The following PKD2L1 variants were observed in gnomAD, a reference collection of about 807,000 sequenced individuals.
The protein encoded by PKD2L1 is polycystin 2 like 1, transient receptor potential cation channel.
A neutral mutation model predicts 93.0 loss-of-function variants in PKD2L1; 77 were observed. The observed-to-expected ratio is 0.83, with a 90% CI of 0.69 to 1.00. The LOEUF (loss-of-function observed/expected upper bound fraction) is 1.00. Among genes scored for constraint, PKD2L1 ranks in the 50% least tolerant of loss-of-function variants. The pLI, the probability that PKD2L1 is intolerant of heterozygous loss-of-function variation, is 0.00. For missense variants in PKD2L1, 977 were observed against 990.9 expected, an observed-to-expected ratio of 0.99 and a Z score of 0.19; for synonymous variants, 390 against 388.0, an observed-to-expected ratio of 1.01 and a Z score of -0.06.
chr10:100,295,437 A>C (rs923522046), intron 7 of PKD2L1, among the ~76,000 whole-genome samples: 4 of 150,188 alleles, frequency 2.7e-5, no homozygotes, highest in Non-Finnish European at 1.5e-5. Context: ...TTAAAAAAAA[A>C]AAAAAAAAAA....
intron 2 of PKD2L1, among the ~76,000 whole-genome samples, chr10:100,309,242 A>G (rs1475331858): frequency 1.3e-5 from 2 of 152,248 alleles, no homozygotes; most frequent in Admixed American, 1.3e-4. Context: ...TTGTATCCAT[A>G]AAATGAAAAT....
chr10:100,310,549 T>C (rs755924369), intron 2 of PKD2L1, among the ~76,000 whole-genome samples: 28 of 152,050 alleles, frequency 1.8e-4, no homozygotes, highest in Non-Finnish European at 3.4e-4. Context: ...TAAAATACCA[T>C]GAAAAATGTA....
chr10:100,317,377 A>G (rs1278548341), intron 2 of PKD2L1, among the ~76,000 whole-genome samples: 2 of 151,712 alleles, frequency 1.3e-5, no homozygotes, highest in African/African-American at 4.8e-5. Flanking sequence ...CTGTCTTTAC[A>G]AAAAAACAAA....
rs777587019 is a variant in PKD2L1, at chr10:100,329,115, C to T, written c.349+96G>A. The T allele has an allele frequency of 2.2e-4, 253 of 1,161,258 alleles. No individual in the cohort carries two copies. The Middle Eastern group carries it at 4.3e-3, about 20-fold the overall frequency. The allele number at this position is 1,161,258 out of a possible 1,614,324, so 71.9% of individuals were successfully genotyped here. ...TAGCCTGCTTACACAGATAGATGCT[C>T]GCTCCACAGATGTTGCCCACAGGAA... On this transcript the variant is annotated intron_variant, in intron 2 of 15. Coordinates refer to ENST00000318222, the MANE Select transcript of PKD2L1 (RefSeq NM_016112.3).
intron 2 of PKD2L1, among the ~76,000 whole-genome samples, chr10:100,314,444 G>A (rs910220315): frequency 6.6e-6 from 1 of 152,090 alleles, no homozygotes; most frequent in African/African-American, 2.4e-5. Flanking sequence ...AAGGAAGCAG[G>A]CACGGGGACA....
At chr10:100,324,614 G>A (rs1223917537) in intron 2 of PKD2L1, among the ~76,000 whole-genome samples, 10 of 151,934 alleles carry the variant, frequency 6.6e-5, no homozygotes, top group South Asian at 2.1e-4. Context: ...TTTGATTTTC[G>A]ACTAGATAAT....
At chr10:100,321,734 AGAAAGAAAGAAAGAAAGAAAGAAG>A (rs1396773260) in intron 2 of PKD2L1, among the ~76,000 whole-genome samples, 360 of 9,486 alleles carry the variant, frequency 0.038, 50 homozygotes, top group Non-Finnish European at 0.06. Context: ...AAAGAAAGAA[AGAAAGAAAGAAAGAAAGAAAGAAG>A]GGAGGGAGGG....
At chr10:100,294,703 C>T in intron 8 of PKD2L1, 48 bp from the exon 9 acceptor site, 1 of 1,611,770 alleles carries the variant, frequency 6.2e-7, no homozygotes. Flanking sequence ...AAACACCCCC[C>T]ATCCCACTTT....
At chr10:100,295,428 TAAAAAAAAA>T (rs751427378) in intron 7 of PKD2L1, among the ~76,000 whole-genome samples, 1 of 71,226 alleles carries the variant, frequency 1.4e-5, no homozygotes, top group East Asian at 3.9e-4. Context: ...CTGGGACCAT[TAAAAAAAAA>T]AAAAAAAAAA....
At chr10:100,306,290 A>T (rs754372874) in intron 2 of PKD2L1, among the ~76,000 whole-genome samples, 14 of 152,356 alleles carry the variant, frequency 9.2e-5, no homozygotes, top group Non-Finnish European at 1.3e-4. Context: ...ACAAGCAATC[A>T]GTCCTACTTG....
At position 100,299,629 on chromosome 10, in the gene PKD2L1, A is replaced by C; in HGVS notation, c.439T>G (p.Ser147Ala). The change falls in exon 3 of 16, where the codon TCC becomes GCC. Residue 147 changes from serine (S) to alanine (A), a missense_variant. Transcript: ENST00000318222. ...FLHTPSDTGV[S>A]FQAISSMADF... ...GCCATGCTGCTGATGGCCTGAAAGGAGACTCCAGTGTCTGATGGAGTATGT... is the reference window on the plus strand; with the variant it reads ...GCCATGCTGCTGATGGCCTGAAAGGCGACTCCAGTGTCTGATGGAGTATGT... The C allele has an allele frequency of 6.2e-7, 1 of 1,613,898 alleles. No individual in the cohort carries two copies. Among genetic ancestry groups the C allele is most frequent in the Non-Finnish European group, 8.5e-7 (1 of 1,179,728 alleles).
intron 2 of PKD2L1, among the ~76,000 whole-genome samples, chr10:100,315,084 G>C (rs1849065560): frequency 1.8e-5 from 1 of 55,530 alleles, no homozygotes; most frequent in Non-Finnish European, 4.2e-5. Flanking sequence ...GGGAAGGGAA[G>C]GGAAGGGAAG....
Position 100,297,185 on chromosome 10 carries a change from G to A in PKD2L1, c.980C>T (p.Thr327Ile), listed in dbSNP as rs1434811346. The change falls in exon 6 of 16, where the codon ACA (threonine) becomes ATA (isoleucine). Residue 327 changes from threonine to isoleucine, a missense_variant. By Grantham distance (89) the Thr-to-Ile change is moderately conservative (BLOSUM62 -1). Transcript: ENST00000318222. The part of the protein sequence containing the change: ...VLRLVVEFPA[T>I]GGAIPSWQIR... ...TTGCCAGGATGGGATGGCACCTCCTGTAGCTGGAAACTCCACCACCAGCCT... is the reference window on the plus strand; with the variant it reads ...TTGCCAGGATGGGATGGCACCTCCTATAGCTGGAAACTCCACCACCAGCCT... 1.2e-6 allele frequency: 2 copies of A among 1,613,818 alleles called. No individual in the cohort carries two copies. Among genetic ancestry groups the A allele is most frequent in the Non-Finnish European group, 1.7e-6 (2 of 1,179,988 alleles).
intron 2 of PKD2L1, among the ~76,000 whole-genome samples, chr10:100,316,144 C>T (rs1849096673): frequency 6.6e-6 from 1 of 152,150 alleles, no homozygotes; most frequent in Admixed American, 6.5e-5. Flanking sequence ...CTTCCTTACT[C>T]CTTGAAGGCA....
rs552041422 is a variant in PKD2L1, at chr10:100,300,250, A to G, written c.350-532T>C. Reference sequence around the variant, plus strand: ...AGCCATGGGAGTGGCAGGTAGGCACAGCACCTCTGTCCCTGGCATGACTAG... The same window carrying G: ...AGCCATGGGAGTGGCAGGTAGGCACGGCACCTCTGTCCCTGGCATGACTAG... On this transcript the variant is annotated intron_variant, in intron 2 of 15. Transcript: ENST00000318222. Among the ~76,000 whole-genome samples the G allele has an allele frequency of 1.3e-3, 195 of 152,312 alleles. 1 individual carries two copies. Among genetic ancestry groups the G allele is most frequent in the Middle Eastern group, 3.4e-3 (1 of 294 alleles).
At chr10:100,292,059 A>G (rs1848417682) in intron 11 of PKD2L1, among the ~76,000 whole-genome samples, 1 of 151,780 alleles carries the variant, frequency 6.6e-6, no homozygotes, top group Non-Finnish European at 1.5e-5. Context: ...TTCATCCTCC[A>G]ATATCCTATT....
Position 100,297,097 on chromosome 10 carries a change from C to A in PKD2L1, c.1068G>T (p.Glu356Asp), listed in dbSNP as rs773937465. ...SNWDFFIVGC[E>D]VIFCVFIFYY... ...AGAAGATGAAGACGCAGAAGATGAC[C>A]TCACAGCCAACGATAAAGAAGTCCC... The change falls in exon 6 of 16, where the codon GAG becomes GAT. Residue 356 changes from glutamate to aspartate, a missense_variant. Physicochemically the swap from Glu to Asp is conservative, Grantham distance 45. Coordinates refer to ENST00000318222, the MANE Select transcript of PKD2L1 (RefSeq NM_016112.3). 1 of 1,614,162 alleles carries A rather than the reference C, an allele frequency of 6.2e-7. No homozygotes were observed. Among genetic ancestry groups the A allele is most frequent in the Non-Finnish European group, 8.5e-7 (1 of 1,180,006 alleles).
At position 100,294,607 on chromosome 10, in the gene PKD2L1, G is replaced by A. The variant is rs1286609913; in HGVS notation, c.1587C>T (p.Ile529=). 4.3e-6 allele frequency: 7 copies of A among 1,613,938 alleles called. No individual in the cohort carries two copies. Among genetic ancestry groups the A allele is most frequent in the Non-Finnish European group, 5.9e-6 (7 of 1,179,904 alleles). ...IILGDFDYNA[I]DNANRILGPA... ...GGCCCAGGATGCGGTTGGCATTGTC[G>A]ATAGCATTGTAGTCAAAGTCCCCGA... Residue 529 remains isoleucine (I), a synonymous_variant, in exon 9 of 16, where the codon ATC becomes ATT. Transcript: ENST00000318222.
chr10:100,329,791 C>A, intron 1 of PKD2L1, 78 bp downstream of exon 1: 1 of 988,726 alleles, frequency 1.0e-6, no homozygotes. Flanking sequence ...CACATTCCAC[C>A]CCCACCCCCT....
Sources: allele counts gnomAD v4.1 joint callset (sites outside exome capture counted in the v4.1 genomes callset), GRCh38; gene constraint gnomAD v4.1.1; transcripts MANE v1.5; gene names NCBI Gene and HGNC (gene_info 2026-07-23, HGNC 2026-07-21).